MYBL2: variants seen among roughly 807,000 people sequenced by gnomAD.
The protein encoded by MYBL2 is MYB proto-oncogene like 2.
A neutral mutation model predicts 79.9 loss-of-function variants in MYBL2; 28 were observed. The observed-to-expected ratio is 0.35, with a 90% CI of 0.26 to 0.48. The LOEUF is 0.48. Ranked by LOEUF, MYBL2 falls within the 20% of genes least tolerant of loss-of-function variation. The pLI is 0.99. For missense variants in MYBL2, 735 were observed against 893.9 expected (o/e 0.82, Z 2.27); for synonymous variants, 378 against 361.2 (o/e 1.05, Z -0.53).
In MYBL2 at chr20:43,705,272, G is replaced by A; in HGVS notation, c.1419G>A (p.Leu473=). Residue 473 remains leucine, a synonymous_variant, in exon 9 of 14, where the codon CTG becomes CTA. Coordinates refer to ENST00000217026, the MANE Select transcript of MYBL2 (RefSeq NM_002466.4). ...QDTLELESPS[L]TSTPVCSQKV... is the part of the protein sequence containing the mutation. ...CATTGGAGCTGGAGAGCCCCTCGCT[G>A]ACATCCACCCCAGTGTGCAGCCAGA... 1 of 1,614,112 alleles carries A rather than the reference G, an allele frequency of 6.2e-7. No homozygotes were observed.
intron 10 of MYBL2, among the ~76,000 whole-genome samples, chr20:43,710,810 G>A (rs1001368902): frequency 5.3e-5 from 8 of 152,170 alleles, no homozygotes; most frequent in African/African-American, 1.9e-4. Flanking sequence ...CATGAGCCGA[G>A]GTGAGGCACT....
chr20:43,700,082 A>C, intron 7 of MYBL2, 38 bp downstream of exon 7: 1 of 1,595,426 alleles, frequency 6.3e-7, no homozygotes. Context: ...AGCACAGAAC[A>C]CCCCCAGCAG....
At chr20:43,673,970 T>G in intron 2 of MYBL2, 71 bp downstream of exon 2, 1 of 1,328,094 alleles carries the variant, frequency 7.5e-7, no homozygotes, top group Non-Finnish European at 1.1e-6. Flanking sequence ...CTGGAGTGTA[T>G]TTGATGTCTC....
intron 4 of MYBL2, among the ~76,000 whole-genome samples, chr20:43,685,466 C>T (rs1987250981): frequency 6.6e-6 from 1 of 152,076 alleles, no homozygotes; most frequent in Non-Finnish European, 1.5e-5. Context: ...CAGGTGTGAG[C>T]CACCGGGCCT....
At chr20:43,676,097 G>A (rs528328398) in intron 2 of MYBL2, among the ~76,000 whole-genome samples, 1 of 151,852 alleles carries the variant, frequency 6.6e-6, no homozygotes, top group South Asian at 2.1e-4. Context: ...TAGAGACAAG[G>A]TTTCTACTTG....
chr20:43,707,914 C>T (rs1054399810), intron 9 of MYBL2, among the ~76,000 whole-genome samples: 5 of 152,264 alleles, frequency 3.3e-5, no homozygotes, highest in Admixed American at 2.0e-4. Flanking sequence ...GTGTCTTTTT[C>T]GTCTTCATAC....
In MYBL2 at chr20:43,671,938, G is replaced by A. The variant is rs184064259; in HGVS notation, c.21-1868G>A. Among the ~76,000 whole-genome samples, 763 of 151,726 alleles carry A rather than the reference G, an allele frequency of 5.0e-3. 5 individuals carry two copies. Among genetic ancestry groups the A allele is most frequent in the Non-Finnish European group, 6.2e-3 (418 of 67,874 alleles). ...AGATATTGTACACTGGGCCGGGCGC[G>A]GTGGCTCACGCCTGTAATCCCAGCC... On this transcript the variant is annotated intron_variant, in intron 1 of 13. Coordinates refer to ENST00000217026, the MANE Select transcript of MYBL2 (RefSeq NM_002466.4).
chr20:43,671,488 G>A, intron 1 of MYBL2, among the ~76,000 whole-genome samples: 1 of 22,412 alleles, frequency 4.5e-5, no homozygotes, highest in African/African-American at 1.8e-4. Flanking sequence ...TTTTTTTTTT[G>A]TGAGATGGAG....
intron 2 of MYBL2, among the ~76,000 whole-genome samples, chr20:43,678,091 A>T (rs1466593958): frequency 6.7e-6 from 1 of 150,186 alleles, no homozygotes; most frequent in African/African-American, 2.5e-5. Context: ...TGTTAAACAG[A>T]CGCTTGAAGG....
chr20:43,698,989 C>G (rs777306767), intron 6 of MYBL2, among the ~76,000 whole-genome samples: 166 of 152,132 alleles, frequency 1.1e-3, no homozygotes, highest in African/African-American at 3.7e-3. Context: ...AGGCATAAGC[C>G]ACTGTACCTG....
chr20:43,699,080 C>G lies in MYBL2; in HGVS notation c.664-677C>G, dbSNP rs538042240. On this transcript the variant is annotated intron_variant, in intron 6 of 13. Coordinates refer to ENST00000217026, the MANE Select transcript of MYBL2 (RefSeq NM_002466.4). ...TGAGACAGAGTTTTGCTCTTGTTAC[C>G]TAGGCTGTAGTGCAATGGTGCGATC... is the stretch of plus-strand genomic sequence containing the variant. Among the ~76,000 whole-genome samples, 185 of 152,034 alleles carry G rather than the reference C, an allele frequency of 1.2e-3. 4 individuals carry two copies. The Middle Eastern group carries it at 0.017, about 14-fold the overall frequency.
intron 7 of MYBL2, among the ~76,000 whole-genome samples, 196 bp downstream of exon 7, chr20:43,700,240 C>T (rs3818215): frequency 0.074 from 11,306 of 152,164 alleles, 581 homozygotes; most frequent in African/African-American, 0.13. Flanking sequence ...GGGGAGCTCC[C>T]GGTGTGTGCA....
At chr20:43,708,385 C>T (rs915886214) in intron 9 of MYBL2, among the ~76,000 whole-genome samples, 1 of 152,146 alleles carries the variant, frequency 6.6e-6, no homozygotes, top group African/African-American at 2.4e-5. Context: ...CAGGGGTGAG[C>T]CACAAGGCCC....
Position 43,713,109 on chromosome 20 carries a change from A to G in MYBL2, c.1824+3A>G, listed in dbSNP as rs1987949714. On this transcript the variant is annotated splice_donor_region_variant and intron_variant, in intron 12 of 13. Coordinates refer to ENST00000217026, the MANE Select transcript of MYBL2 (RefSeq NM_002466.4). ...CACTGCCCAAGTCTCTATCCTTGGT[A>G]AGGCTTCTGCTCCTTGGAACTGTTG... 1 of 1,609,078 alleles carries G rather than the reference A, an allele frequency of 6.2e-7. No homozygotes were observed. Among genetic ancestry groups the G allele is most frequent in the African/African-American group, 1.3e-5 (1 of 74,874 alleles).
At chr20:43,670,967 TTC>T (rs1555809639) in intron 1 of MYBL2, among the ~76,000 whole-genome samples, 1,807 of 8,400 alleles carry the variant, frequency 0.22, 94 homozygotes, top group African/African-American at 0.31. Context: ...TTTCTTTTTT[TTC>T]TTTTTTTTTT....
chr20:43,673,571 A>C, intron 1 of MYBL2: 1 of 580,494 alleles, frequency 1.7e-6, no homozygotes, highest in South Asian at 1.5e-5. Flanking sequence ...CAGGAGTTCA[A>C]GGCTGCAGTG....
intron 8 of MYBL2, among the ~76,000 whole-genome samples, chr20:43,705,007 C>T (rs952094112): frequency 1.3e-5 from 2 of 152,062 alleles, no homozygotes; most frequent in African/African-American, 4.8e-5. Flanking sequence ...GACGGAAGCC[C>T]AGAGGTCTGT....
rs757295796 is a variant in MYBL2 at position 43,702,625 on chromosome 20, G to T, written c.1087G>T (p.Ala363Ser). 3.7e-6 allele frequency: 6 copies of T among 1,613,886 alleles called. No homozygotes were observed. In the African/African-American group the frequency reaches 4.0e-5, roughly 11 times the overall value. The change falls in exon 8 of 14, where the codon GCC becomes TCC. Residue 363 changes from alanine (A) to serine (S), a missense_variant. Ala to Ser is a moderately conservative substitution (Grantham distance 99, BLOSUM62 1). This residue lies in a region of MYBL2 where 243 missense variants were observed against 327.2 expected (regional missense o/e 0.74). Transcript: ENST00000217026. ...QQVLPPRQPS[A>S]LVPSVTEYRL... Reference sequence around the variant, plus strand: ...AGTCCTGCCACCCCGCCAGCCTTCCGCCCTGGTGCCCAGTGTGACCGAGTA... The same window carrying T: ...AGTCCTGCCACCCCGCCAGCCTTCCTCCCTGGTGCCCAGTGTGACCGAGTA...
chr20:43,676,052 G>A lies in MYBL2; in HGVS notation c.114+2153G>A, dbSNP rs373622779. On this transcript the variant is annotated intron_variant, in intron 2 of 13. Transcript: ENST00000217026. ...CTCAAGTAGCTGGGATTACAGGCAC[G>A]TGCCACCACGCCTGGTAAATTTTTG... Among the ~76,000 whole-genome samples, 20 of 151,904 alleles carry A rather than the reference G, an allele frequency of 1.3e-4. No individual in the cohort carries two copies. The East Asian group carries it at 1.4e-3, about 10-fold the overall frequency.
Sources: allele counts gnomAD v4.1 joint callset (sites outside exome capture counted in the v4.1 genomes callset), GRCh38; gene constraint gnomAD v4.1.1; regional missense constraint gnomAD v4.1.1; transcripts MANE v1.5; gene names NCBI Gene and HGNC (gene_info 2026-07-23, HGNC 2026-07-21).